The following IGFL2 variants were observed in gnomAD, a reference collection of about 807,000 sequenced individuals.
The protein encoded by IGFL2 is IGF like family member 2.
Under a neutral mutation model 13.9 loss-of-function variants are expected in IGFL2, and 7 were observed. The observed-to-expected ratio is 0.51, with a 90% CI of 0.29 to 0.95. The LOEUF is 0.95. Ranked by LOEUF, IGFL2 falls within the 40% of genes least tolerant of loss-of-function variation. The pLI is 0.08. For synonymous variants in IGFL2, 55 were observed against 55.8 expected (o/e 0.99, Z 0.07); for missense variants, 138 against 147.8 (o/e 0.93, Z 0.34).
chr19:46,209,316 C>T, the IGFL2 span: 5 of 152,228 alleles, frequency 3.3e-5, no homozygotes, highest in African/African-American at 7.2e-5. Flanking sequence ...AAGCTCTCTC[C>T]CTTCCAGGGC....
At chr19:46,193,348 G>A in the IGFL2 span, among the ~76,000 whole-genome samples, 18 of 152,230 alleles carry the variant, frequency 1.2e-4, no homozygotes, top group Non-Finnish European at 2.1e-4. Context: ...AGATGCTACC[G>A]GCTCAGTAGT....
At chr19:46,174,930 C>G in the IGFL2 span, among the ~76,000 whole-genome samples, 3 of 152,158 alleles carry the variant, frequency 2.0e-5, no homozygotes, top group African/African-American at 7.2e-5. Context: ...ATTACCAGGT[C>G]TGATATTACT....
the IGFL2 span, chr19:46,111,467 T>A: frequency 6.6e-6 from 1 of 152,324 alleles, no homozygotes; most frequent in African/African-American, 2.4e-5. Context: ...CTGAGAGGTA[T>A]TCATATGGCA....
At chr19:46,190,986 G>T in the IGFL2 span, among the ~76,000 whole-genome samples, 2 of 151,862 alleles carry the variant, frequency 1.3e-5, no homozygotes, top group Non-Finnish European at 2.9e-5. Context: ...CTCCCCTCAG[G>T]CCCCTCAGTA....
chr19:46,099,815 C>T, the IGFL2 span, among the ~76,000 whole-genome samples: 6 of 152,000 alleles, frequency 3.9e-5, no homozygotes, highest in Non-Finnish European at 7.4e-5. Flanking sequence ...GATGAGTCAC[C>T]GAGCCTGTGC....
the IGFL2 span, among the ~76,000 whole-genome samples, chr19:46,096,524 C>T: frequency 6.6e-6 from 1 of 152,100 alleles, no homozygotes; most frequent in East Asian, 1.9e-4. Flanking sequence ...CTTTCTCTTG[C>T]CTGATTGCCC....
the IGFL2 span, among the ~76,000 whole-genome samples, chr19:46,134,856 C>A: frequency 6.6e-6 from 1 of 152,136 alleles, no homozygotes; most frequent in Non-Finnish European, 1.5e-5. Context: ...GGGTTGGGGA[C>A]CCCTGCTCTA....
At chr19:46,158,711 C>G (rs1036487136) in intron 1 of IGFL2, among the ~76,000 whole-genome samples, 2 of 152,104 alleles carry the variant, frequency 1.3e-5, no homozygotes, top group Non-Finnish European at 2.9e-5. Flanking sequence ...CAAGAATATC[C>G]AGATTCTTGA....
At chr19:46,093,252 TAATA>T in the IGFL2 span, among the ~76,000 whole-genome samples, 567 of 152,326 alleles carry the variant, frequency 3.7e-3, 6 homozygotes, top group African/African-American at 0.013. Flanking sequence ...ATGCATCTGT[TAATA>T]AAGATAATTT....
chr19:46,101,462 G>A, the IGFL2 span, among the ~76,000 whole-genome samples: 2 of 152,190 alleles, frequency 1.3e-5, no homozygotes, highest in Non-Finnish European at 2.9e-5. Context: ...CCAGTGAGGA[G>A]GGATGGGTCA....
the IGFL2 span, chr19:46,136,978 G>T: frequency 6.7e-7 from 1 of 1,495,070 alleles, no homozygotes; most frequent in Non-Finnish European, 9.3e-7. Flanking sequence ...TCTGTGTTTT[G>T]TCCCACACCA....
the IGFL2 span, among the ~76,000 whole-genome samples, chr19:46,129,231 C>CTTT: frequency 6.7e-6 from 1 of 149,150 alleles, no homozygotes; most frequent in South Asian, 2.1e-4. Context: ...CTTCCCTCTT[C>CTTT]TTTTTTAATC....
the IGFL2 span, among the ~76,000 whole-genome samples, chr19:46,133,446 TA>T: frequency 6.6e-6 from 1 of 152,124 alleles, no homozygotes; most frequent in African/African-American, 2.4e-5. Flanking sequence ...GCTAGCAACT[TA>T]GAACTTCCCC....
the IGFL2 span, among the ~76,000 whole-genome samples, chr19:46,108,037 T>C: frequency 9.2e-5 from 14 of 152,122 alleles, no homozygotes; most frequent in Non-Finnish European, 1.5e-5. Context: ...TACAAAACTG[T>C]AAGCCAGACC....
chr19:46,180,916 G>A, the IGFL2 span, among the ~76,000 whole-genome samples: 15 of 152,192 alleles, frequency 9.9e-5, no homozygotes, highest in African/African-American at 3.1e-4. Context: ...TCCTAGCTGG[G>A]CTGGCAGCCG....
the IGFL2 span, among the ~76,000 whole-genome samples, chr19:46,095,384 T>C: frequency 2.0e-5 from 3 of 152,204 alleles, no homozygotes; most frequent in Non-Finnish European, 4.4e-5. Context: ...TGTTTTTTTT[T>C]CTTGTAAATT....
chr19:46,160,851 A>G lies in IGFL2; in HGVS notation c.311A>G (p.His104Arg). Reference sequence around the variant, plus strand: ...GTTCAGGGTGTGAATTCCCAGTGCCACTCATCTCCCATCTCCAGTAAATGT... The same window carrying G: ...GTTCAGGGTGTGAATTCCCAGTGCCGCTCATCTCCCATCTCCAGTAAATGT... ...LKVQGVNSQC[H>R]SSPISSKCES... The change falls in exon 3 of 4, where the codon CAC (histidine) becomes CGC (arginine). Residue 104 changes from histidine (H) to arginine (R), a missense_variant. By Grantham distance (29) the His-to-Arg change is conservative. Coordinates refer to ENST00000377693, the MANE Select transcript of IGFL2 (RefSeq NM_001135113.2). The G allele has an allele frequency of 1.2e-6, 2 of 1,613,676 alleles. No individual in the cohort carries two copies. The highest frequency in any genetic ancestry group is 1.1e-5 in the South Asian group (1 of 91,056).
chr19:46,214,451 A>G, the IGFL2 span: 2 of 152,370 alleles, frequency 1.3e-5, no homozygotes, highest in Admixed American at 1.3e-4. Context: ...ACAGACGGCC[A>G]CCAGAGGGAA....
chr19:46,143,794 A>G (rs760327482), upstream of IGFL2, among the ~76,000 whole-genome samples: 4 of 152,226 alleles, frequency 2.6e-5, no homozygotes, highest in Non-Finnish European at 4.4e-5. Flanking sequence ...GAGAAAATCA[A>G]GATTGTGCAC....
Sources: allele counts gnomAD v4.1 joint callset (sites outside exome capture counted in the v4.1 genomes callset), GRCh38; gene constraint gnomAD v4.1.1; transcripts MANE v1.5; gene names NCBI Gene and HGNC (gene_info 2026-07-23, HGNC 2026-07-21).